DIAPH2: variants seen among roughly 807,000 people sequenced by gnomAD.
DIAPH2 encodes the protein diaphanous related formin 2.
DIAPH2 carries 35 observed loss-of-function variants against 92.7 expected under a neutral mutation model. The ratio of observed to expected loss-of-function variants is 0.38; its 90% CI spans 0.29 to 0.50. The LOEUF (loss-of-function observed/expected upper bound fraction) is 0.50, where lower values mean the gene tolerates loss of function less well. Among genes scored for constraint, DIAPH2 ranks in the 20% least tolerant of loss-of-function variants. The pLI is 0.94. For missense variants in DIAPH2, 701 were observed against 819.5 expected (o/e 0.86, Z 1.77); for synonymous variants, 301 against 280.4 (o/e 1.07, Z -0.73).
intron 9 of DIAPH2, 64 bp downstream of exon 9, chrX:96,918,681 TC>T (rs1390768194): frequency 1.3e-6 from 1 of 787,506 alleles, no homozygotes; most frequent in Non-Finnish European, 1.8e-6. Context: ...TTGTATGACA[TC>T]AACTCCATTT....
At chrX:97,013,973 G>T (rs747901234) in intron 17 of DIAPH2, among the ~76,000 whole-genome samples, 1 of 112,530 alleles carries the variant, frequency 8.9e-6, no homozygotes, top group South Asian at 3.7e-4. Flanking sequence ...GCCTAGGAAA[G>T]TAGAGAATGG....
In DIAPH2 at chrX:97,562,410, G is replaced by A. The variant is rs752599983; in HGVS notation, c.3242-36843G>A. Among the ~76,000 whole-genome samples the A allele has an allele frequency of 1.4e-4, 16 of 110,438 alleles. No individual in the cohort carries two copies. In the Admixed American group the frequency reaches 1.5e-3, roughly 11 times the overall value. ...AGTCCCAGCTACTCGGGAGGCTGAG[G>A]CAGAAGAATCACTTGAACCTGGGAG... is the stretch of plus-strand genomic sequence containing the variant. On this transcript the variant is annotated intron_variant, in intron 26 of 26. Transcript: ENST00000324765.
At chrX:97,469,650 A>G (rs1752103207) in intron 26 of DIAPH2, 1 of 1,151,479 alleles carries the variant, frequency 8.7e-7, no homozygotes, top group Admixed American at 2.2e-5. Flanking sequence ...TTTTTTATTT[A>G]TACATTTCAA....
chrX:96,742,931 T>C (rs2064128899), intron 3 of DIAPH2, among the ~76,000 whole-genome samples: 1 of 112,464 alleles, frequency 8.9e-6, no homozygotes, highest in African/African-American at 3.2e-5. Flanking sequence ...CCCAAAGCGT[T>C]GGGATTACAG....
Position 96,912,339 on chromosome X carries a change from A to G in DIAPH2, c.599A>G (p.Asn200Ser), listed in dbSNP as rs775234189. Residue 200 changes from asparagine to serine, a missense_variant, in exon 6 of 27, where the codon AAC becomes AGC. Asn to Ser is a conservative substitution (Grantham distance 46, BLOSUM62 1). This residue lies in a region of DIAPH2 where 34 missense variants were observed against 74.7 expected (regional missense o/e 0.46). Transcript: ENST00000324765. ...LTSNPVSWVN[N>S]FGHEGLGLLL... ...TGTTTATTTCTCAGCTGGGTTAACA[A>G]CTTTGGCCATGAAGGTCTTGGACTC... is the stretch of plus-strand genomic sequence containing the variant. The G allele has an allele frequency of 1.7e-6, 2 of 1,200,416 alleles. No homozygotes were observed. Among genetic ancestry groups the G allele is most frequent in the East Asian group, 3.0e-5 (1 of 33,470 alleles).
chrX:97,096,589 G>T, intron 19 of DIAPH2, among the ~76,000 whole-genome samples: 1 of 111,703 alleles, frequency 9.0e-6, no homozygotes, highest in East Asian at 2.8e-4. Context: ...TTCCCACGGG[G>T]CACAGCTGGT....
At chrX:96,801,121 C>T (rs1403580883) in intron 4 of DIAPH2, among the ~76,000 whole-genome samples, 1 of 112,031 alleles carries the variant, frequency 8.9e-6, no homozygotes, top group Non-Finnish European at 1.9e-5. Context: ...AGCTATTATC[C>T]TGTAATGCTA....
At chrX:97,156,198 CA>C (rs1200951172) in intron 22 of DIAPH2, among the ~76,000 whole-genome samples, 2 of 111,980 alleles carry the variant, frequency 1.8e-5, no homozygotes, top group Non-Finnish European at 3.8e-5. Context: ...TTTCAGTATG[CA>C]CCTTATAAAC....
chrX:97,356,206 C>G (rs1212332521), intron 24 of DIAPH2, among the ~76,000 whole-genome samples: 1 of 111,738 alleles, frequency 8.9e-6, no homozygotes, highest in Non-Finnish European at 1.9e-5. Context: ...GTTTCAACTC[C>G]TAGAGACCTG....
At chrX:97,502,941 C>T (rs888807361) in intron 26 of DIAPH2, among the ~76,000 whole-genome samples, 2 of 111,807 alleles carry the variant, frequency 1.8e-5, no homozygotes, top group Non-Finnish European at 3.8e-5. Context: ...TCAGTCCAGC[C>T]TCTTTCTGAA....
At chrX:97,371,156 C>A (rs757713048) in intron 24 of DIAPH2, among the ~76,000 whole-genome samples, 2 of 111,253 alleles carry the variant, frequency 1.8e-5, no homozygotes, top group South Asian at 3.8e-4. Flanking sequence ...GTAGAGAACA[C>A]CCAGAAGAAA....
intron 17 of DIAPH2, among the ~76,000 whole-genome samples, chrX:97,031,690 G>C (rs945639314): frequency 9.0e-6 from 1 of 111,432 alleles, no homozygotes; most frequent in South Asian, 3.8e-4. Flanking sequence ...CAAGGATAGT[G>C]GGGAAGATAG....
At chrX:97,214,541 T>C (rs2067867130) in intron 22 of DIAPH2, among the ~76,000 whole-genome samples, 1 of 108,788 alleles carries the variant, frequency 9.2e-6, no homozygotes, top group African/African-American at 3.4e-5. Flanking sequence ...AAAAAAAAAA[T>C]GGGTCCTGGC....
intron 26 of DIAPH2, among the ~76,000 whole-genome samples, chrX:97,583,829 CG>C (rs1384048286): frequency 8.9e-6 from 1 of 111,759 alleles, no homozygotes; most frequent in Non-Finnish European, 1.9e-5. Context: ...CAGCGAGACT[CG>C]GTGGGGTAGG....
chrX:97,485,194 A>T lies in DIAPH2; in HGVS notation c.3241+55449A>T, dbSNP rs750185415. 8.9e-5 allele frequency among the ~76,000 whole-genome samples: 10 copies of T among 112,081 alleles called. No individual in the cohort carries two copies. The South Asian group carries it at 3.8e-3, about 42-fold the overall frequency. ...GTAGCACCACCTGTCTCACACCCAAAGATAATTCATCAAATAATACCACGT... is the reference window on the plus strand; with the variant it reads ...GTAGCACCACCTGTCTCACACCCAATGATAATTCATCAAATAATACCACGT... On this transcript the variant is annotated intron_variant, in intron 26 of 26. Coordinates refer to ENST00000324765, the MANE Select transcript of DIAPH2 (RefSeq NM_006729.5).
intron 24 of DIAPH2, among the ~76,000 whole-genome samples, chrX:97,360,810 ATAT>A (rs1261993286): frequency 7.1e-5 from 8 of 111,967 alleles, no homozygotes; most frequent in Non-Finnish European, 1.5e-4. Context: ...CATCTACGAG[ATAT>A]TATTTGTGAA....
chrX:97,288,134 A>G (rs780595113), intron 23 of DIAPH2, among the ~76,000 whole-genome samples: 44 of 110,809 alleles, frequency 4.0e-4, no homozygotes, highest in Non-Finnish European at 7.4e-4. Context: ...GGAAAAACAA[A>G]ACACATACAA....
chrX:97,532,225 T>C (rs1022155306), intron 26 of DIAPH2, among the ~76,000 whole-genome samples: 4 of 112,987 alleles, frequency 3.5e-5, no homozygotes, highest in African/African-American at 1.3e-4. Flanking sequence ...ACTTAAATAT[T>C]GGCATAGGTA....
chrX:97,465,484 T>C (rs765898361), intron 26 of DIAPH2, among the ~76,000 whole-genome samples: 73 of 111,874 alleles, frequency 6.5e-4, no homozygotes, highest in African/African-American at 2.3e-3. Flanking sequence ...ATTAACATTT[T>C]ATTAGGTATT....
Sources: allele counts gnomAD v4.1 joint callset (sites outside exome capture counted in the v4.1 genomes callset), GRCh38; gene constraint gnomAD v4.1.1; regional missense constraint gnomAD v4.1.1; transcripts MANE v1.5; gene names NCBI Gene and HGNC (gene_info 2026-07-23, HGNC 2026-07-21).